The following BICC1 variants were observed in gnomAD, a reference collection of about 807,000 sequenced individuals.
BICC1 encodes BicC family RNA binding protein 1, also known as protein bicaudal C homolog 1.
Under a neutral mutation model 111.0 loss-of-function variants are expected in BICC1, and 43 were observed. That is an observed-to-expected ratio of 0.39 (90% CI 0.30 to 0.50). BICC1 has a LOEUF of 0.50. Among genes scored for constraint, BICC1 ranks in the 20% least tolerant of loss-of-function variants. The pLI is 0.88. For missense variants in BICC1, 1,091 were observed against 1,203.2 expected, an observed-to-expected ratio of 0.91 and a Z score of 1.38; for synonymous variants, 467 against 434.4, an observed-to-expected ratio of 1.07 and a Z score of -0.93.
intron 3 of BICC1, among the ~76,000 whole-genome samples, chr10:58,710,832 A>T (rs776879716): frequency 3.9e-5 from 6 of 152,062 alleles, no homozygotes; most frequent in Non-Finnish European, 7.4e-5. Context: ...CTGGGTAGAA[A>T]AATGTGTGGT....
chr10:58,769,376 A>G (rs3076305), intron 3 of BICC1, among the ~76,000 whole-genome samples: 8,376 of 72,978 alleles, frequency 0.11, 569 homozygotes, highest in African/African-American at 0.22. Flanking sequence ...TTTATAATGT[A>G]TGTGTGTGTG....
chr10:58,541,016 A>G (rs1842963514), intron 1 of BICC1, among the ~76,000 whole-genome samples: 1 of 152,106 alleles, frequency 6.6e-6, no homozygotes, highest in Non-Finnish European at 1.5e-5. Flanking sequence ...CTTTCATGAC[A>G]AAACACTAAC....
At chr10:58,733,557 G>A (rs1189323838) in intron 3 of BICC1, among the ~76,000 whole-genome samples, 1 of 152,120 alleles carries the variant, frequency 6.6e-6, no homozygotes, top group Non-Finnish European at 1.5e-5. Flanking sequence ...TTCATCTAGG[G>A]TAGCTACAGC....
At chr10:58,773,837 C>T (rs184532895) in intron 3 of BICC1, among the ~76,000 whole-genome samples, 3 of 152,282 alleles carry the variant, frequency 2.0e-5, no homozygotes, top group African/African-American at 7.2e-5. Context: ...TATTGCTTAA[C>T]GTTAATAGGC....
intron 3 of BICC1, among the ~76,000 whole-genome samples, chr10:58,725,258 T>G (rs551681449): frequency 6.6e-6 from 1 of 152,330 alleles, no homozygotes; most frequent in East Asian, 1.9e-4. Context: ...CTCTTAAATG[T>G]GTAAGGATGC....
chr10:58,584,270 G>A (rs1426307881), intron 1 of BICC1, among the ~76,000 whole-genome samples: 1 of 152,058 alleles, frequency 6.6e-6, no homozygotes, highest in African/African-American at 2.4e-5. Flanking sequence ...TTCAAATTGG[G>A]GAAGGGAAGA....
intron 2 of BICC1, among the ~76,000 whole-genome samples, chr10:58,626,793 A>C (rs1159358254): frequency 2.0e-5 from 3 of 152,192 alleles, no homozygotes; most frequent in African/African-American, 7.2e-5. Context: ...AAGGAATGTC[A>C]TTGAGATTGT....
chr10:58,752,729 A>G (rs565047654), intron 3 of BICC1, among the ~76,000 whole-genome samples: 21 of 152,156 alleles, frequency 1.4e-4, no homozygotes, highest in Non-Finnish European at 2.2e-4. Flanking sequence ...GTGGTGGGCA[A>G]TGTTTTGTTA....
chr10:58,568,010 A>G (rs186729756), intron 1 of BICC1, among the ~76,000 whole-genome samples: 69 of 152,172 alleles, frequency 4.5e-4, no homozygotes, highest in Non-Finnish European at 7.4e-4. Flanking sequence ...AACAGTTAAA[A>G]TCTTCTCTCC....
chr10:58,815,627 T>C, intron 18 of BICC1, among the ~76,000 whole-genome samples: 1 of 152,154 alleles, frequency 6.6e-6, no homozygotes, highest in East Asian at 1.9e-4. Flanking sequence ...AGCACAGTTA[T>C]TTGGGTTTTG....
chr10:58,516,949 G>A (rs1842257269), intron 1 of BICC1, among the ~76,000 whole-genome samples: 1 of 152,122 alleles, frequency 6.6e-6, no homozygotes, highest in Non-Finnish European at 1.5e-5. Flanking sequence ...CAGTCTTGGT[G>A]TTTGCCAGAG....
chr10:58,537,133 G>A (rs573859901), intron 1 of BICC1, among the ~76,000 whole-genome samples: 2 of 151,838 alleles, frequency 1.3e-5, no homozygotes, highest in South Asian at 4.1e-4. Context: ...AATTCTACTA[G>A]ACATTAAAAG....
chr10:58,678,746 G>A (rs1839423281), intron 2 of BICC1, among the ~76,000 whole-genome samples: 1 of 152,092 alleles, frequency 6.6e-6, no homozygotes, highest in African/African-American at 2.4e-5. Context: ...CTTCTCAGCA[G>A]CACATCACAC....
Position 58,828,821 on chromosome 10 carries a change from A to T in BICC1, c.2855A>T (p.Glu952Val). ...CCAAATGCACGCACCTCTTTCCTGGAAGGTGGAGCGAGTGGAAGGCTACCC... is the reference window on the plus strand; with the variant it reads ...CCAAATGCACGCACCTCTTTCCTGGTAGGTGGAGCGAGTGGAAGGCTACCC... Reference protein sequence around the residue: ...ESPNARTSFLEGGASGRLPRQ... With the variant: ...ESPNARTSFLVGGASGRLPRQ... Residue 952 changes from glutamate to valine, a missense_variant, in exon 21 of 21, where the codon GAA (glutamate) becomes GTA (valine). Coordinates refer to ENST00000373886, the MANE Select transcript of BICC1 (RefSeq NM_001080512.3). The T allele has an allele frequency of 6.2e-7, 1 of 1,613,962 alleles. No homozygotes were observed. Among genetic ancestry groups the T allele is most frequent in the Non-Finnish European group, 8.5e-7 (1 of 1,179,888 alleles).
In BICC1 at chr10:58,772,845, G is replaced by A. The variant is rs115860831; in HGVS notation, c.308-12156G>A. Among the ~76,000 whole-genome samples the A allele has an allele frequency of 5.3e-3, 804 of 152,212 alleles. 15 individuals are homozygous for A. The highest frequency in any genetic ancestry group is 0.018 in the African/African-American group (760 of 41,536). Reference sequence around the variant, plus strand: ...GATGTGTACTGCATATATCTTTAAAGCAATGTTTTTTGAGATGGAACATAC... The same window carrying A: ...GATGTGTACTGCATATATCTTTAAAACAATGTTTTTTGAGATGGAACATAC... On this transcript the variant is annotated intron_variant, in intron 3 of 20. Transcript: ENST00000373886.
At position 58,794,454 on chromosome 10, in the gene BICC1, T is replaced by C. The variant is rs961420049; in HGVS notation, c.1179+839T>C. ...TTTTTTCTGAGACAGGGTCTCACTT[T>C]ATCACCAAGGCTGGAGTACAGTGGT... On this transcript the variant is annotated intron_variant, in intron 9 of 20. Transcript: ENST00000373886. Among the ~76,000 whole-genome samples, 5 of 151,846 alleles carry C rather than the reference T, an allele frequency of 3.3e-5. No homozygotes were observed. In the South Asian group the frequency reaches 6.2e-4, roughly 19 times the overall value.
Position 58,538,094 on chromosome 10 carries a change from C to T in BICC1, c.190+24761C>T, listed in dbSNP as rs114686001. ...TAATTCCTATCAAAATAACCAACAT[C>T]GTTTTTTCAGATAATTAGAAAAAAA... is the stretch of plus-strand genomic sequence containing the variant. On this transcript the variant is annotated intron_variant, in intron 1 of 20. Transcript: ENST00000373886. Among the ~76,000 whole-genome samples the T allele has an allele frequency of 5.6e-3, 857 of 151,712 alleles. 7 individuals are homozygous for T. Among genetic ancestry groups the T allele is most frequent in the African/African-American group, 0.02 (817 of 41,452 alleles).
intron 3 of BICC1, among the ~76,000 whole-genome samples, chr10:58,737,090 C>T (rs896687441): frequency 1.3e-5 from 2 of 151,546 alleles, no homozygotes; most frequent in African/African-American, 4.8e-5. Context: ...TTATTTTGTA[C>T]TTTCTGTGAT....
chr10:58,513,438 C>A, intron 1 of BICC1, 105 bp downstream of exon 1: 1 of 929,244 alleles, frequency 1.1e-6, no homozygotes. Context: ...TACGGCCGGC[C>A]GGTTTAGCTC....
Sources: gnomAD v4.1 joint callset for allele counts (sites outside exome capture counted in the v4.1 genomes callset) on GRCh38, gnomAD v4.1.1 for gene constraint, MANE v1.5 for transcripts, NCBI Gene and HGNC (gene_info 2026-07-23, HGNC 2026-07-21) for gene names.